The following HSF5 variants were observed in gnomAD, a reference collection of about 807,000 sequenced individuals.
HSF5 encodes heat shock transcription factor 5.
HSF5 carries 5 observed loss-of-function variants against 50.8 expected under a neutral mutation model. The observed-to-expected ratio is 0.10, with a 90% CI of 0.05 to 0.21. The LOEUF (loss-of-function observed/expected upper bound fraction) is 0.21, where lower values mean the gene tolerates loss of function less well. HSF5 is among the 10% of genes least tolerant of loss of function. HSF5 has a pLI of 1.00. For missense variants in HSF5, 564 were observed against 762.6 expected (o/e 0.74, Z 3.07); for synonymous variants, 307 against 307.4 (o/e 1.00, Z 0.02).
At chr17:58,447,143 G>C (rs888626652) in intron 5 of HSF5, among the ~76,000 whole-genome samples, 5 of 152,098 alleles carry the variant, frequency 3.3e-5, no homozygotes, top group African/African-American at 1.2e-4. Context: ...AGAGACGAAA[G>C]AGTGCAGGGG....
intron 4 of HSF5, among the ~76,000 whole-genome samples, chr17:58,462,035 C>G (rs989274615): frequency 2.0e-5 from 3 of 152,220 alleles, no homozygotes; most frequent in Non-Finnish European, 4.4e-5. Flanking sequence ...CCCCCTCCCA[C>G]TCCCGCATCC....
chr17:58,486,224 G>A (rs541781341), intron 1 of HSF5, among the ~76,000 whole-genome samples: 80 of 152,216 alleles, frequency 5.3e-4, no homozygotes, highest in African/African-American at 1.7e-3. Flanking sequence ...AATTAGCCGG[G>A]CATGGTGGCA....
chr17:58,439,339 G>A (rs1475436093), intron 5 of HSF5, among the ~76,000 whole-genome samples: 1 of 150,142 alleles, frequency 6.7e-6, no homozygotes, highest in Non-Finnish European at 1.5e-5. Flanking sequence ...ACTGACATAT[G>A]TTGTGGGGAA....
intron 5 of HSF5, among the ~76,000 whole-genome samples, chr17:58,448,010 C>T (rs1398793361): frequency 6.6e-6 from 1 of 151,402 alleles, no homozygotes; most frequent in East Asian, 1.9e-4. Context: ...ATTAGCCAGG[C>T]ATGATCCCAG....
intron 3 of HSF5, among the ~76,000 whole-genome samples, chr17:58,466,089 T>C (rs1974861872): frequency 6.6e-6 from 1 of 152,198 alleles, no homozygotes; most frequent in Non-Finnish European, 1.5e-5. Flanking sequence ...TTAGATTTTA[T>C]GTTTAGACTC....
intron 5 of HSF5, among the ~76,000 whole-genome samples, chr17:58,436,768 C>T (rs1164399069): frequency 6.6e-6 from 1 of 151,716 alleles, no homozygotes; most frequent in East Asian, 1.9e-4. Context: ...GAAGAGATAC[C>T]TAACCTTCTT....
chr17:58,467,416 C>T (rs1974882678), intron 2 of HSF5, among the ~76,000 whole-genome samples: 1 of 152,202 alleles, frequency 6.6e-6, no homozygotes, highest in Non-Finnish European at 1.5e-5. Context: ...AAATGTTCCA[C>T]CATTAAACAA....
chr17:58,454,284 T>G (rs958971795), intron 5 of HSF5, among the ~76,000 whole-genome samples: 1 of 151,872 alleles, frequency 6.6e-6, no homozygotes. Flanking sequence ...AAAAATAAAA[T>G]TCAACATCCC....
At chr17:58,454,608 T>G (rs1467602498) in intron 5 of HSF5, among the ~76,000 whole-genome samples, 1 of 152,120 alleles carries the variant, frequency 6.6e-6, no homozygotes, top group Non-Finnish European at 1.5e-5. Flanking sequence ...CCAAAAAAAT[T>G]GGAACTAATA....
At chr17:58,436,894 A>G (rs1221505005) in intron 5 of HSF5, among the ~76,000 whole-genome samples, 1 of 152,046 alleles carries the variant, frequency 6.6e-6, no homozygotes, top group African/African-American at 2.4e-5. Context: ...TAGTACAAGG[A>G]AAGAAAGCAA....
chr17:58,425,575 CAAAAAAAAAAA>C (rs66502039), intron 5 of HSF5, among the ~76,000 whole-genome samples: 12 of 32,984 alleles, frequency 3.6e-4, no homozygotes, highest in Admixed American at 5.2e-4. Flanking sequence ...ACCTCTATCT[CAAAAAAAAAAA>C]AAAAAAAAAA....
chr17:58,457,997 G>C (rs1317262774), intron 5 of HSF5, among the ~76,000 whole-genome samples: 2 of 152,138 alleles, frequency 1.3e-5, no homozygotes, highest in African/African-American at 4.8e-5. Context: ...TCTCACAGAA[G>C]TTCTCAACAT....
In HSF5 at chr17:58,487,750, G is replaced by GGGC; in HGVS notation, c.522_524dup (p.Pro175dup). The GGGC allele has an allele frequency of 2.6e-5, 36 of 1,380,326 alleles. No homozygotes were observed. The highest frequency in any genetic ancestry group is 1.6e-4 in the Admixed American group (4 of 25,492). 85.5% of individuals were successfully genotyped at this position (1,380,326 alleles called of 1,614,324 possible). On this transcript the variant is annotated inframe_insertion, in exon 1 of 6. Coordinates refer to ENST00000323777, the MANE Select transcript of HSF5 (RefSeq NM_001080439.3). ...CGTGCGGCTCGGGCCGGGGCCCCGC[G>GGGC]GGCGGCGGCGGCTGCTGGTGCTGCA... is the stretch of plus-strand genomic sequence containing the variant.
At position 58,422,267 on chromosome 17, in the gene HSF5, C is replaced by T; in HGVS notation, c.*93G>A. On this transcript the variant is annotated 3_prime_UTR_variant, in exon 6 of 6. Coordinates refer to ENST00000323777, the MANE Select transcript of HSF5 (RefSeq NM_001080439.3). ...ACAAAAAATACTTTTTTTTCCTTAA[C>T]AGAACTGAAAAAATCCCAACAGTTT... The T allele has an allele frequency of 1.1e-6, 1 of 916,046 alleles. No homozygotes were observed. The highest frequency in any genetic ancestry group is 1.7e-6 in the Non-Finnish European group (1 of 583,736). 56.7% of individuals were successfully genotyped at this position (916,046 alleles called of 1,614,324 possible). A position where few individuals can be genotyped will look rare whatever the true frequency, so the allele number is the denominator to read the frequency against.
chr17:58,432,876 A>G (rs1408375835), intron 5 of HSF5, among the ~76,000 whole-genome samples: 5 of 152,242 alleles, frequency 3.3e-5, no homozygotes, highest in Admixed American at 6.5e-5. Context: ...GAGGTGAGAA[A>G]TGGTCAGATT....
chr17:58,466,910 G>C lies in HSF5; in HGVS notation c.995C>G (p.Ser332Cys). 1 of 1,606,868 alleles carries C rather than the reference G, an allele frequency of 6.2e-7. No individual in the cohort carries two copies. Among genetic ancestry groups the C allele is most frequent in the Admixed American group, 1.7e-5 (1 of 60,010 alleles). Residue 332 changes from serine to cysteine, a missense_variant, in exon 3 of 6, where the codon TCC becomes TGC. Ser to Cys is a moderately radical substitution (Grantham distance 112). Coordinates refer to ENST00000323777, the MANE Select transcript of HSF5 (RefSeq NM_001080439.3). ...CTGGAAGTAGTTGCAGTGTGCATAG[G>C]AAGAGGCAGTGGGAGTGACACAACT... is the stretch of plus-strand genomic sequence containing the variant. ...LSSCVTPTASSYAHCNYFQNP... is the reference protein window; with the variant it reads ...LSSCVTPTASCYAHCNYFQNP...
chr17:58,449,964 A>G (rs1442752831), intron 5 of HSF5, among the ~76,000 whole-genome samples: 2 of 142,942 alleles, frequency 1.4e-5, no homozygotes, highest in African/African-American at 5.2e-5. Context: ...CGGAGCTTGC[A>G]GTGAGCCGAG....
chr17:58,428,442 G>A (rs1233916365), intron 5 of HSF5, among the ~76,000 whole-genome samples: 1 of 152,094 alleles, frequency 6.6e-6, no homozygotes, highest in African/African-American at 2.4e-5. Flanking sequence ...GGCAGATCAC[G>A]AGGTCAGGAG....
intron 1 of HSF5, among the ~76,000 whole-genome samples, chr17:58,482,341 T>A (rs1311698376): frequency 6.6e-6 from 1 of 152,134 alleles, no homozygotes; most frequent in East Asian, 1.9e-4. Flanking sequence ...CTCATCCTTC[T>A]AATCCCAGCA....
Sources: allele counts gnomAD v4.1 joint callset (sites outside exome capture counted in the v4.1 genomes callset), GRCh38; gene constraint gnomAD v4.1.1; transcripts MANE v1.5; gene names NCBI Gene and HGNC (gene_info 2026-07-23, HGNC 2026-07-21).